Variants in XRN1 observed in about 807,000 individuals in gnomAD.
The protein encoded by XRN1 is 5'-3' exoribonuclease 1.
XRN1 carries 67 observed loss-of-function variants against 222.3 expected under a neutral mutation model. The ratio of observed to expected loss-of-function variants is 0.30; its 90% CI spans 0.25 to 0.37. XRN1 has a LOEUF of 0.37. XRN1 is among the 10% of genes least tolerant of loss of function. The probability of loss-of-function intolerance (pLI) is 1.00; values close to 1 mark genes in which losing one functional copy is unlikely to be tolerated. For synonymous variants in XRN1, 643 were observed against 652.4 expected (o/e 0.99, Z 0.22); for missense variants, 1,707 against 2,000.2 (o/e 0.85, Z 2.80).
intron 37 of XRN1, among the ~76,000 whole-genome samples, chr3:142,326,081 C>T (rs2065506597): frequency 6.6e-6 from 1 of 151,620 alleles, no homozygotes; most frequent in Non-Finnish European, 1.5e-5. Flanking sequence ...CAGTATAATG[C>T]CTCCAGCTTT....
intron 36 of XRN1, among the ~76,000 whole-genome samples, chr3:142,330,059 A>C (rs1370477023): frequency 1.3e-5 from 2 of 152,240 alleles, no homozygotes; most frequent in Non-Finnish European, 2.9e-5. Flanking sequence ...TAAAGATTTT[A>C]AAATATAAGT....
intron 14 of XRN1, 45 bp from the exon 15 acceptor site, chr3:142,412,708 T>G: frequency 7.5e-7 from 1 of 1,330,590 alleles, no homozygotes; most frequent in South Asian, 1.9e-5. Flanking sequence ...AGAACTAATA[T>G]CAATATAGTT....
intron 29 of XRN1, among the ~76,000 whole-genome samples, chr3:142,363,603 A>G (rs922737982): frequency 4.6e-5 from 7 of 151,744 alleles, no homozygotes; most frequent in African/African-American, 1.7e-4. Flanking sequence ...CTAGCTTTGT[A>G]AAGTTTACTC....
Position 142,447,981 on chromosome 3 carries a change from C to CGAAA in XRN1, c.-41_-38dup. 4 of 1,604,714 alleles carry CGAAA rather than the reference C, an allele frequency of 2.5e-6. No individual in the cohort carries two copies. Among genetic ancestry groups the CGAAA allele is most frequent in the Non-Finnish European group, 3.4e-6 (4 of 1,173,958 alleles). On this transcript the variant is annotated 5_prime_UTR_variant, in exon 1 of 41. Transcript: ENST00000392981. This position sits in a 1 kb window ranked among gnomAD's most constrained non-coding sequence, Gnocchi z 4.2. ...ACACTAATCCCAGTCAGGGCCAAAC[C>CGAAA]GAAACCAAACGCCCCGCCGGGGCTC...
At chr3:142,354,683 C>T (rs577389252) in intron 32 of XRN1, among the ~76,000 whole-genome samples, 10 of 152,166 alleles carry the variant, frequency 6.6e-5, no homozygotes, top group African/African-American at 2.2e-4. Context: ...CTCACCATCA[C>T]GAGTAGCTGG....
chr3:142,402,070 G>T (rs1241859912), intron 18 of XRN1, among the ~76,000 whole-genome samples: 1 of 152,084 alleles, frequency 6.6e-6, no homozygotes. Context: ...AATGCACCTT[G>T]TCTTCAAGGA....
At chr3:142,373,951 C>T (rs1265245521) in intron 25 of XRN1, among the ~76,000 whole-genome samples, 1 of 152,152 alleles carries the variant, frequency 6.6e-6, no homozygotes, top group Non-Finnish European at 1.5e-5. Flanking sequence ...CACTGCACTC[C>T]AGCCTGGGTG....
intron 1 of XRN1, among the ~76,000 whole-genome samples, chr3:142,437,083 T>C (rs1459872289): frequency 2.6e-5 from 4 of 152,200 alleles, no homozygotes; most frequent in Non-Finnish European, 5.9e-5. Context: ...TAATTAATCA[T>C]TGGCCAATGT....
chr3:142,364,647 A>C (rs1229969363), intron 29 of XRN1, among the ~76,000 whole-genome samples: 2 of 152,180 alleles, frequency 1.3e-5, no homozygotes, highest in Non-Finnish European at 2.9e-5. Context: ...AAACTAAGTG[A>C]TTACAATGAA....
At chr3:142,427,351 T>G (rs2069302519) in intron 2 of XRN1, among the ~76,000 whole-genome samples, 1 of 151,536 alleles carries the variant, frequency 6.6e-6, no homozygotes. Context: ...AAAAAAAAAA[T>G]TGAATTTTTC....
chr3:142,444,377 G>A (rs1335026643), intron 1 of XRN1, among the ~76,000 whole-genome samples: 1 of 152,230 alleles, frequency 6.6e-6, no homozygotes, highest in Non-Finnish European at 1.5e-5. Context: ...GGAGGCTGAG[G>A]TGGGCGGATC....
At chr3:142,400,660 T>C (rs2068093634) in intron 18 of XRN1, 113 bp from the exon 19 acceptor site, 2 of 766,124 alleles carry the variant, frequency 2.6e-6, no homozygotes, top group African/African-American at 1.8e-5. Flanking sequence ...AATAAACAAG[T>C]TGGGGCCGGG....
chr3:142,425,373 T>C (rs376356135), intron 4 of XRN1, 41 bp from the exon 5 acceptor site: 13 of 1,584,192 alleles, frequency 8.2e-6, no homozygotes, highest in Non-Finnish European at 1.1e-5. Context: ...ATATGGTATA[T>C]GCTTGAGAAT....
At chr3:142,371,195 CTGAAT>C in intron 26 of XRN1, 39 bp downstream of exon 26, 1 of 1,433,688 alleles carries the variant, frequency 7.0e-7, no homozygotes, top group Non-Finnish European at 9.7e-7. Context: ...ATTGAAAACA[CTGAAT>C]TGAACTATGA....
Position 142,333,008 on chromosome 3 carries a change from G to A in XRN1, c.4021C>T (p.Pro1341Ser), listed in dbSNP as rs199913131. 2.2e-5 allele frequency: 35 copies of A among 1,613,610 alleles called. No homozygotes were observed. The highest frequency in any genetic ancestry group is 2.7e-5 in the Non-Finnish European group (32 of 1,179,776). Residue 1341 changes from proline (P) to serine (S), a missense_variant, in exon 35 of 41, where the codon CCT (proline) becomes TCT (serine). Coordinates refer to ENST00000392981, the MANE Select transcript of XRN1 (RefSeq NM_001282857.2). Reference protein sequence around the residue: ...NEVQSSHHGEPPSEEHLSPQS... With the variant: ...NEVQSSHHGESPSEEHLSPQS... ...GGTGACAAATGCTCTTCACTTGGAG[G>A]CTCCCCATGATGAGATGACTGTACT...
intron 3 of XRN1, 35 bp downstream of exon 3, chr3:142,426,709 C>A: frequency 6.4e-7 from 1 of 1,566,242 alleles, no homozygotes; most frequent in Non-Finnish European, 8.7e-7. Flanking sequence ...ATTTATATTT[C>A]AATTCTGTCA....
chr3:142,313,806 G>A (rs993884143), intron 39 of XRN1, among the ~76,000 whole-genome samples: 1 of 152,206 alleles, frequency 6.6e-6, no homozygotes, highest in Admixed American at 6.5e-5. Flanking sequence ...TGCCAGGCAT[G>A]GCACGTGGCT....
chr3:142,338,714 G>C (rs142454473), intron 33 of XRN1, among the ~76,000 whole-genome samples: 13 of 152,224 alleles, frequency 8.5e-5, no homozygotes, highest in Admixed American at 2.6e-4. Flanking sequence ...TGGGCCAGAG[G>C]GAACCCCACT....
intron 8 of XRN1, among the ~76,000 whole-genome samples, chr3:142,422,294 C>T (rs550560542): frequency 9.9e-5 from 15 of 152,128 alleles, no homozygotes; most frequent in African/African-American, 3.6e-4. Context: ...CACTGCACTC[C>T]AGCCTGGGCA....
Sources: gnomAD v4.1 joint callset for allele counts (sites outside exome capture counted in the v4.1 genomes callset) on GRCh38, gnomAD v4.1.1 for gene constraint, Gnocchi (gnomAD v3.1) non-coding constraint, MANE v1.5 for transcripts, NCBI Gene and HGNC (gene_info 2026-07-23, HGNC 2026-07-21) for gene names.